The following RSRC1 variants were observed in gnomAD, a reference collection of about 807,000 sequenced individuals.
RSRC1 encodes the protein arginine and serine rich coiled-coil 1.
RSRC1 carries 39 observed loss-of-function variants against 49.1 expected under a neutral mutation model. The observed-to-expected ratio is 0.79, with a 90% CI of 0.61 to 1.04. RSRC1 has a LOEUF of 1.04. Ranked by LOEUF, RSRC1 falls within the 50% of genes least tolerant of loss-of-function variation. RSRC1 has a pLI of 0.00. For missense variants in RSRC1, 388 were observed against 402.4 expected (o/e 0.96, Z 0.31); for synonymous variants, 143 against 130.8 (o/e 1.09, Z -0.63).
In RSRC1 at chr3:158,214,776, A is replaced by G. The variant is rs1014681436; in HGVS notation, c.494+11531A>G. 4.0e-5 allele frequency among the ~76,000 whole-genome samples: 6 copies of G among 151,826 alleles called. No individual in the cohort carries two copies. The East Asian group carries it at 7.8e-4, about 20-fold the overall frequency. ...CTGATTCTAGCTTCATTTCATTATG[A>G]CCAAAAAACATACTTTGTATGATTG... On this transcript the variant is annotated intron_variant, in intron 4 of 9. Transcript: ENST00000611884.
chr3:158,402,666 A>G (rs1047284257), intron 6 of RSRC1, among the ~76,000 whole-genome samples: 3 of 151,854 alleles, frequency 2.0e-5, no homozygotes, highest in South Asian at 2.1e-4. Context: ...ACCATTTTGT[A>G]TATTAATAAA....
intron 7 of RSRC1, among the ~76,000 whole-genome samples, chr3:158,530,227 C>A (rs751306800): frequency 6.6e-6 from 1 of 151,896 alleles, no homozygotes; most frequent in South Asian, 2.1e-4. Flanking sequence ...TAAATTAGCA[C>A]TTTTGTTTAT....
At chr3:158,221,579 G>A (rs553587531) in intron 4 of RSRC1, among the ~76,000 whole-genome samples, 5 of 151,384 alleles carry the variant, frequency 3.3e-5, no homozygotes, top group South Asian at 2.1e-4. Flanking sequence ...TTAGGAGTTC[G>A]TAAGTCATTA....
intron 4 of RSRC1, among the ~76,000 whole-genome samples, chr3:158,203,769 G>A (rs1721203982): frequency 6.6e-6 from 1 of 152,144 alleles, no homozygotes; most frequent in Non-Finnish European, 1.5e-5. Flanking sequence ...GTGTTTGTAA[G>A]AGTGAGTGTA....
At chr3:158,266,109 G>A (rs1725159830) in intron 4 of RSRC1, among the ~76,000 whole-genome samples, 1 of 152,056 alleles carries the variant, frequency 6.6e-6, no homozygotes, top group South Asian at 2.1e-4. Flanking sequence ...ATTATGCTAT[G>A]AAGCAGTTGA....
At chr3:158,254,084 AG>A (rs1004002967) in intron 4 of RSRC1, among the ~76,000 whole-genome samples, 35 of 152,300 alleles carry the variant, frequency 2.3e-4, no homozygotes, top group African/African-American at 7.2e-4. Context: ...GTCCCTGCAA[AG>A]GACATGAACT....
chr3:158,404,676 T>C (rs1405648589), intron 6 of RSRC1, among the ~76,000 whole-genome samples: 1 of 151,980 alleles, frequency 6.6e-6, no homozygotes, highest in Non-Finnish European at 1.5e-5. Flanking sequence ...TTCTTTAATA[T>C]ACAGTTCTAC....
chr3:158,151,695 CAT>C (rs1717546688), intron 3 of RSRC1, among the ~76,000 whole-genome samples: 4 of 152,122 alleles, frequency 2.6e-5, no homozygotes, highest in Admixed American at 2.6e-4. Context: ...AGTGAGAAAA[CAT>C]ATATGAACAT....
intron 4 of RSRC1, among the ~76,000 whole-genome samples, chr3:158,229,290 ACAC>A (rs1722781998): frequency 4.3e-5 from 1 of 23,340 alleles, no homozygotes; most frequent in Non-Finnish European, 8.1e-5. Context: ...AAACATACAC[ACAC>A]GTATATGTGT....
intron 7 of RSRC1, among the ~76,000 whole-genome samples, chr3:158,485,803 C>G (rs1738794719): frequency 6.6e-6 from 1 of 152,110 alleles, no homozygotes; most frequent in Non-Finnish European, 1.5e-5. Context: ...TTTTCACTGA[C>G]TTCCAGTTTT....
chr3:158,152,955 T>G (rs1717637950), intron 3 of RSRC1, among the ~76,000 whole-genome samples: 1 of 152,186 alleles, frequency 6.6e-6, no homozygotes, highest in South Asian at 2.1e-4. Context: ...CTTGGAAAGT[T>G]TAGAATAATA....
intron 7 of RSRC1, among the ~76,000 whole-genome samples, chr3:158,527,781 TC>T (rs1712135004): frequency 1.3e-5 from 2 of 151,936 alleles, no homozygotes; most frequent in South Asian, 4.1e-4. Context: ...TAGTAGCTGT[TC>T]CACCCTTGCA....
chr3:158,232,381 T>A (rs934525639), intron 4 of RSRC1, among the ~76,000 whole-genome samples: 4 of 152,144 alleles, frequency 2.6e-5, no homozygotes, highest in Non-Finnish European at 4.4e-5. Flanking sequence ...TTTTTTCTTA[T>A]CAGTTCCTTT....
At chr3:158,278,376 A>G (rs907419068) in intron 4 of RSRC1, among the ~76,000 whole-genome samples, 4 of 152,246 alleles carry the variant, frequency 2.6e-5, no homozygotes, top group Admixed American at 1.3e-4. Flanking sequence ...GTTAACTACC[A>G]TGATATATAA....
At chr3:158,116,723 G>C (rs1714850160) in intron 1 of RSRC1, among the ~76,000 whole-genome samples, 5 of 81,980 alleles carry the variant, frequency 6.1e-5, no homozygotes, top group Admixed American at 6.0e-4. Context: ...ATATAGTTTT[G>C]ACTTCTTGAG....
At chr3:158,306,037 GCTAA>G (rs1486721760) in intron 5 of RSRC1, among the ~76,000 whole-genome samples, 5 of 151,892 alleles carry the variant, frequency 3.3e-5, no homozygotes, top group South Asian at 2.1e-4. Context: ...TATACTCAGA[GCTAA>G]CTATGAGAAC....
At chr3:158,461,336 G>A (rs1260110562) in intron 7 of RSRC1, among the ~76,000 whole-genome samples, 1 of 151,806 alleles carries the variant, frequency 6.6e-6, no homozygotes, top group Non-Finnish European at 1.5e-5. Context: ...CATAGATTTT[G>A]AAATATTTCA....
chr3:158,530,886 G>C (rs1178963744), intron 7 of RSRC1, among the ~76,000 whole-genome samples: 3 of 80,328 alleles, frequency 3.7e-5, no homozygotes, highest in African/African-American at 1.4e-4. Context: ...CTAAAACTTA[G>C]AGTATAATAA....
At chr3:158,341,893 A>G (rs2108215937) in intron 5 of RSRC1, among the ~76,000 whole-genome samples, 1 of 152,292 alleles carries the variant, frequency 6.6e-6, no homozygotes, top group Non-Finnish European at 1.5e-5. Context: ...CATCAGCGTA[A>G]TCTGAATTTG....
Sources: allele counts gnomAD v4.1 joint callset (sites outside exome capture counted in the v4.1 genomes callset), GRCh38; gene constraint gnomAD v4.1.1; transcripts MANE v1.5; gene names NCBI Gene and HGNC (gene_info 2026-07-23, HGNC 2026-07-21).